GRM5: variants seen among roughly 807,000 people sequenced by gnomAD.
GRM5 encodes the protein glutamate metabotropic receptor 5, also known as metabotropic glutamate receptor 5.
GRM5 carries 19 observed loss-of-function variants against 83.1 expected under a neutral mutation model. The ratio of observed to expected loss-of-function variants is 0.23; its 90% CI spans 0.16 to 0.34. GRM5 has a LOEUF of 0.34. GRM5 is among the 10% of genes least tolerant of loss of function. The probability of loss-of-function intolerance (pLI) is 1.00; values close to 1 mark genes in which losing one functional copy is unlikely to be tolerated. For missense variants in GRM5, 1,160 were observed against 1,588.3 expected (o/e 0.73, Z 4.58); for synonymous variants, 675 against 633.6 (o/e 1.07, Z -0.98).
intron 3 of GRM5, among the ~76,000 whole-genome samples, chr11:88,820,660 T>C (rs1943773229): frequency 6.6e-6 from 1 of 152,180 alleles, no homozygotes; most frequent in Non-Finnish European, 1.5e-5. Flanking sequence ...ATTTGTTAAT[T>C]TGTGATGAAA....
Position 88,964,247 on chromosome 11 carries a change from A to C in GRM5, c.661+82965T>G, listed in dbSNP as rs1308383462. Among the ~76,000 whole-genome samples the C allele has an allele frequency of 2.0e-5, 3 of 152,168 alleles. No individual in the cohort carries two copies. In the East Asian group the frequency reaches 5.8e-4, roughly 29 times the overall value. On this transcript the variant is annotated intron_variant, in intron 2 of 9. Coordinates refer to ENST00000305447, the MANE Select transcript of GRM5 (RefSeq NM_001143831.3). The stretch of plus-strand genomic sequence containing the variant: ...TTGTTAGTGAGACATTGGAGCCACC[A>C]CAATAGCAAAAATCGAATTAAGGAT...
intron 8 of GRM5, among the ~76,000 whole-genome samples, chr11:88,544,642 T>C (rs529390652): frequency 1.3e-5 from 2 of 152,266 alleles, no homozygotes; most frequent in Admixed American, 6.5e-5. Flanking sequence ...AGTGTAGGAG[T>C]GTCATGACAG....
chr11:88,964,643 G>A (rs1267933168), intron 2 of GRM5, among the ~76,000 whole-genome samples: 7 of 151,930 alleles, frequency 4.6e-5, no homozygotes, highest in Admixed American at 4.6e-4. Flanking sequence ...AAGAAGTTGA[G>A]AACAAAAAGC....
chr11:88,610,870 C>G (rs1938292980), intron 4 of GRM5, among the ~76,000 whole-genome samples: 1 of 152,192 alleles, frequency 6.6e-6, no homozygotes, highest in South Asian at 2.1e-4. Context: ...ATAGATGGCT[C>G]TTATTATTTT....
chr11:88,519,916 T>C (rs1178940862), intron 9 of GRM5, among the ~76,000 whole-genome samples: 1 of 152,180 alleles, frequency 6.6e-6, no homozygotes, highest in East Asian at 1.9e-4. Flanking sequence ...CACAGTAAGA[T>C]AAGTGCTATA....
At chr11:88,631,308 G>A (rs1409477771) in intron 4 of GRM5, among the ~76,000 whole-genome samples, 2 of 152,078 alleles carry the variant, frequency 1.3e-5, no homozygotes, top group Admixed American at 6.5e-5. Flanking sequence ...TCTGTTTTTT[G>A]TTTTTATATT....
chr11:88,826,360 T>C (rs1943894342), intron 3 of GRM5, among the ~76,000 whole-genome samples: 2 of 151,982 alleles, frequency 1.3e-5, no homozygotes, highest in African/African-American at 2.4e-5. Flanking sequence ...CTAAGTTCTG[T>C]AGGAATTAGT....
At chr11:89,042,256 C>T (rs1380659103) in intron 2 of GRM5, among the ~76,000 whole-genome samples, 1 of 152,004 alleles carries the variant, frequency 6.6e-6, no homozygotes, top group Non-Finnish European at 1.5e-5. Context: ...AATATTGGTG[C>T]CACTGAGATA....
chr11:88,827,014 G>A (rs542892394), intron 3 of GRM5, among the ~76,000 whole-genome samples: 2 of 152,302 alleles, frequency 1.3e-5, no homozygotes, highest in African/African-American at 4.8e-5. Context: ...ACTGTAGGAA[G>A]CAAGAGGTTT....
intron 2 of GRM5, among the ~76,000 whole-genome samples, chr11:88,968,926 G>A (rs1939078711): frequency 6.6e-6 from 1 of 152,046 alleles, no homozygotes; most frequent in Non-Finnish European, 1.5e-5. Flanking sequence ...GGGTTTTTTA[G>A]ATGTAGTAAC....
chr11:88,724,233 C>T (rs1421410594), intron 3 of GRM5, among the ~76,000 whole-genome samples: 1 of 152,170 alleles, frequency 6.6e-6, no homozygotes, highest in Non-Finnish European at 1.5e-5. Context: ...CACATACCAT[C>T]CCTGATAGTG....
At chr11:89,061,003 A>G (rs1487961363) in intron 1 of GRM5, among the ~76,000 whole-genome samples, 3 of 152,174 alleles carry the variant, frequency 2.0e-5, no homozygotes, top group African/African-American at 4.8e-5. Flanking sequence ...TCTAAAGTGC[A>G]GAATCTTCCT....
At chr11:88,970,663 T>C (rs1054376734) in intron 2 of GRM5, among the ~76,000 whole-genome samples, 8 of 152,206 alleles carry the variant, frequency 5.3e-5, no homozygotes, top group Non-Finnish European at 8.8e-5. Flanking sequence ...GGGCCCACTT[T>C]GGGCCAACGC....
In GRM5 at chr11:88,913,413, C is replaced by T. The variant is rs957112452; in HGVS notation, c.662-63258G>A. ...GGCATCCAGCTGGGTTAATGGAAGGCAATAGGGGATGGCAATGTAGAAGAG... is the reference window on the plus strand; with the variant it reads ...GGCATCCAGCTGGGTTAATGGAAGGTAATAGGGGATGGCAATGTAGAAGAG... On this transcript the variant is annotated intron_variant, in intron 2 of 9. Coordinates refer to ENST00000305447, the MANE Select transcript of GRM5 (RefSeq NM_001143831.3). Among the ~76,000 whole-genome samples the T allele has an allele frequency of 3.0e-4, 45 of 152,068 alleles. 1 individual carries two copies. The highest frequency in any genetic ancestry group is 1.1e-3 in the African/African-American group (44 of 41,498).
chr11:88,715,352 T>C (rs938086358), intron 3 of GRM5, among the ~76,000 whole-genome samples: 4 of 152,040 alleles, frequency 2.6e-5, no homozygotes, highest in East Asian at 3.9e-4. Context: ...AAACTCAGAT[T>C]GGGATGCAGG....
At chr11:88,566,886 C>T (rs1942887425) in intron 8 of GRM5, among the ~76,000 whole-genome samples, 167 bp downstream of exon 8, 1 of 152,122 alleles carries the variant, frequency 6.6e-6, no homozygotes, top group Non-Finnish European at 1.5e-5. Flanking sequence ...GGACCCACAT[C>T]CCATTAACCC....
chr11:88,810,152 G>C (rs2135496299), intron 3 of GRM5, among the ~76,000 whole-genome samples: 1 of 152,130 alleles, frequency 6.6e-6, no homozygotes, highest in Middle Eastern at 3.4e-3. Context: ...AGACTGAAGA[G>C]TAAAATGGTT....
At chr11:88,934,281 G>T (rs1937817048) in intron 2 of GRM5, among the ~76,000 whole-genome samples, 1 of 151,742 alleles carries the variant, frequency 6.6e-6, no homozygotes, top group South Asian at 2.1e-4. Context: ...GTGTCAAACT[G>T]TCAATTGATT....
intron 2 of GRM5, among the ~76,000 whole-genome samples, chr11:89,010,075 A>T (rs1285243071): frequency 1.3e-5 from 2 of 149,676 alleles, no homozygotes; most frequent in African/African-American, 4.9e-5. Flanking sequence ...ATTAACATAT[A>T]TATATGTACA....
Sources: gnomAD v4.1 joint callset for allele counts (sites outside exome capture counted in the v4.1 genomes callset) on GRCh38, gnomAD v4.1.1 for gene constraint, MANE v1.5 for transcripts, NCBI Gene and HGNC (gene_info 2026-07-23, HGNC 2026-07-21) for gene names.